Variants in NKAIN2 observed in about 807,000 individuals in gnomAD.
NKAIN2 encodes the protein sodium/potassium-transporting ATPase subunit beta-1-interacting protein 2.
Under a neutral mutation model 32.6 loss-of-function variants are expected in NKAIN2, and 14 were observed. That is an observed-to-expected ratio of 0.43 (90% confidence interval 0.28 to 0.67). NKAIN2 has a LOEUF of 0.67. Among genes scored for constraint, NKAIN2 ranks in the 30% least tolerant of loss-of-function variants. The pLI, the probability that NKAIN2 is intolerant of heterozygous loss-of-function variation, is 0.17. For synonymous variants in NKAIN2, 80 were observed against 87.2 expected (o/e 0.92, Z 0.46); for missense variants, 198 against 258.3 (o/e 0.77, Z 1.60).
intron 1 of NKAIN2, among the ~76,000 whole-genome samples, chr6:124,260,055 A>G (rs1367118066): frequency 6.6e-6 from 1 of 152,224 alleles, no homozygotes; most frequent in African/African-American, 2.4e-5. Flanking sequence ...TTAGAACTGC[A>G]TCGATAAATC....
intron 1 of NKAIN2, among the ~76,000 whole-genome samples, chr6:124,219,447 T>A (rs1343875528): frequency 6.6e-6 from 1 of 151,728 alleles, no homozygotes; most frequent in African/African-American, 2.4e-5. Flanking sequence ...CCGACTAATT[T>A]TTGTATTTTT....
At chr6:124,736,291 G>C (rs1776936117) in intron 4 of NKAIN2, among the ~76,000 whole-genome samples, 1 of 151,912 alleles carries the variant, frequency 6.6e-6, no homozygotes, top group African/African-American at 2.4e-5. Context: ...GTTAGTTCAT[G>C]AGGTTTAAGG....
intron 2 of NKAIN2, among the ~76,000 whole-genome samples, chr6:124,336,901 G>A (rs1797899192): frequency 6.6e-6 from 1 of 151,958 alleles, no homozygotes; most frequent in African/African-American, 2.4e-5. Flanking sequence ...TCGATCTTCT[G>A]ACATTGTGAT....
At chr6:124,809,668 A>G (rs1248002943) in intron 5 of NKAIN2, among the ~76,000 whole-genome samples, 3 of 151,130 alleles carry the variant, frequency 2.0e-5, no homozygotes, top group Non-Finnish European at 4.4e-5. Flanking sequence ...CTGCACAGCA[A>G]AAGAAACTAC....
chr6:124,304,130 T>A (rs2753166), intron 2 of NKAIN2, among the ~76,000 whole-genome samples: 30,663 of 152,096 alleles, frequency 0.2, 6,665 homozygotes, highest in African/African-American at 0.55. Context: ...AGGAAAGTAA[T>A]ATTGAATGGA....
chr6:124,103,396 G>A (rs1043959680), intron 1 of NKAIN2, among the ~76,000 whole-genome samples: 2 of 152,108 alleles, frequency 1.3e-5, no homozygotes, highest in Non-Finnish European at 2.9e-5. Flanking sequence ...GAACTATATA[G>A]CAGTCCTGTG....
At chr6:123,953,741 T>C (rs2114591591) in intron 1 of NKAIN2, among the ~76,000 whole-genome samples, 1 of 152,228 alleles carries the variant, frequency 6.6e-6, no homozygotes, top group South Asian at 2.1e-4. Flanking sequence ...TCAGGTCCCA[T>C]GGTGGTGCTT....
At chr6:124,428,309 A>G (rs1309990006) in intron 3 of NKAIN2, among the ~76,000 whole-genome samples, 1 of 152,058 alleles carries the variant, frequency 6.6e-6, no homozygotes, top group African/African-American at 2.4e-5. Flanking sequence ...GACATGTTTC[A>G]CCCCAACCCC....
intron 1 of NKAIN2, among the ~76,000 whole-genome samples, chr6:124,082,433 A>T (rs2114909383): frequency 6.6e-6 from 1 of 152,150 alleles, no homozygotes; most frequent in East Asian, 1.9e-4. Context: ...AAGATATGAG[A>T]ATTGGTTCCT....
At chr6:124,411,291 A>G (rs1187546660) in intron 3 of NKAIN2, among the ~76,000 whole-genome samples, 12 of 151,800 alleles carry the variant, frequency 7.9e-5, no homozygotes, top group African/African-American at 2.9e-4. Context: ...GGTCTTTACA[A>G]TTTGGCATGT....
intron 1 of NKAIN2, among the ~76,000 whole-genome samples, chr6:123,903,954 G>A (rs561624016): frequency 3.2e-4 from 49 of 151,574 alleles, no homozygotes; most frequent in African/African-American, 1.0e-3. Flanking sequence ...TTGGCCGGGC[G>A]TGGTGGCTCA....
At chr6:124,030,208 A>T (rs1252213472) in intron 1 of NKAIN2, among the ~76,000 whole-genome samples, 2 of 152,164 alleles carry the variant, frequency 1.3e-5, no homozygotes, top group Non-Finnish European at 2.9e-5. Flanking sequence ...TAATTTTTTC[A>T]TTATATATTA....
intron 1 of NKAIN2, among the ~76,000 whole-genome samples, chr6:124,083,848 A>G (rs2114912809): frequency 6.6e-6 from 1 of 152,154 alleles, no homozygotes; most frequent in East Asian, 1.9e-4. Context: ...CACTATGGTT[A>G]CAGAGAGCAT....
chr6:124,005,617 A>G (rs2114722623), intron 1 of NKAIN2, among the ~76,000 whole-genome samples: 1 of 152,274 alleles, frequency 6.6e-6, no homozygotes, highest in South Asian at 2.1e-4. Context: ...TTATTTGGCA[A>G]TAACAAAGTT....
intron 4 of NKAIN2, among the ~76,000 whole-genome samples, chr6:124,749,386 G>A (rs899706306): frequency 7.9e-5 from 12 of 151,892 alleles, no homozygotes; most frequent in African/African-American, 2.7e-4. Flanking sequence ...CATGTAACAG[G>A]TTCGCAGGTT....
chr6:124,786,104 G>C (rs779757257), intron 4 of NKAIN2, among the ~76,000 whole-genome samples: 8 of 152,072 alleles, frequency 5.3e-5, no homozygotes, highest in Non-Finnish European at 8.8e-5. Flanking sequence ...CTTTTGGCTA[G>C]AGACAGCAAG....
intron 4 of NKAIN2, among the ~76,000 whole-genome samples, chr6:124,777,947 T>TCA (rs142387344): frequency 0.43 from 63,393 of 146,708 alleles, 13,992 homozygotes; most frequent in East Asian, 0.58. Flanking sequence ...GAAATCACAT[T>TCA]CACACACACA....
At chr6:124,360,204 G>T (rs1799216850) in intron 3 of NKAIN2, among the ~76,000 whole-genome samples, 1 of 152,122 alleles carries the variant, frequency 6.6e-6, no homozygotes, top group Non-Finnish European at 1.5e-5. Flanking sequence ...TTTCATCGAT[G>T]TTCATCAGGG....
chr6:124,372,659 T>C (rs898829953), intron 3 of NKAIN2, among the ~76,000 whole-genome samples: 2 of 152,238 alleles, frequency 1.3e-5, no homozygotes, highest in African/African-American at 2.4e-5. Flanking sequence ...GCATATTCAA[T>C]GTTCCTGTAT....
Sources: allele counts gnomAD v4.1 joint callset (sites outside exome capture counted in the v4.1 genomes callset), GRCh38; gene constraint gnomAD v4.1.1; transcripts MANE v1.5; gene names NCBI Gene and HGNC (gene_info 2026-07-23, HGNC 2026-07-21).